DSE: variants seen among roughly 807,000 people sequenced by gnomAD.
DSE encodes dermatan sulfate epimerase, also known as dermatan-sulfate epimerase.
A neutral mutation model predicts 84.4 loss-of-function variants in DSE; 36 were observed. The observed-to-expected ratio is 0.43, with a 90% CI of 0.33 to 0.56. DSE has a LOEUF of 0.56. Ranked by LOEUF, DSE falls within the 20% of genes least tolerant of loss-of-function variation. The pLI is 0.06. For missense variants in DSE, 862 were observed against 1,169.6 expected (o/e 0.74, Z 3.84); for synonymous variants, 410 against 430.1 (o/e 0.95, Z 0.58).
At chr6:116,332,679 C>G (rs1413807420) in intron 2 of DSE, among the ~76,000 whole-genome samples, 1 of 152,012 alleles carries the variant, frequency 6.6e-6, no homozygotes, top group Admixed American at 6.6e-5. Context: ...AAAGTACTTA[C>G]AGTAAAGGAA....
At chr6:116,343,402 G>C (rs1338025180) in intron 2 of DSE, among the ~76,000 whole-genome samples, 1 of 152,176 alleles carries the variant, frequency 6.6e-6, no homozygotes, top group Non-Finnish European at 1.5e-5. Flanking sequence ...CACAGTAGTG[G>C]CTGACTGACA....
At position 116,363,191 on chromosome 6, in the gene DSE, T is replaced by A. The variant is rs180851170; in HGVS notation, c.-53-36007T>A. Among the ~76,000 whole-genome samples, 201 of 152,260 alleles carry A rather than the reference T, an allele frequency of 1.3e-3. 1 individual carries two copies. The highest frequency in any genetic ancestry group is 2.5e-3 in the South Asian group (12 of 4,828). On this transcript the variant is annotated intron_variant, in intron 2 of 3. Transcript: ENST00000430252. ...TATTTCTACTTTGTAACAGTTGCTT[T>A]TTTTTGCCACGTTTAATGACTGATC...
At chr6:116,264,005 T>C (rs1054217124) in intron 2 of DSE, among the ~76,000 whole-genome samples, 8 of 152,228 alleles carry the variant, frequency 5.3e-5, no homozygotes, top group African/African-American at 1.9e-4. Context: ...CAATCTGCCC[T>C]TTCTCTCTAG....
chr6:116,376,499 T>C (rs2114933276), intron 1 of DSE, among the ~76,000 whole-genome samples: 1 of 152,324 alleles, frequency 6.6e-6, no homozygotes, highest in South Asian at 2.1e-4. Context: ...AAGAAAAGAT[T>C]ATTGAGGCGA....
intron 2 of DSE, among the ~76,000 whole-genome samples, chr6:116,365,277 A>T (rs996678657): frequency 6.7e-6 from 1 of 149,950 alleles, no homozygotes; most frequent in African/African-American, 2.5e-5. Flanking sequence ...TGTGGGGGGG[A>T]TGGAGTCTTG....
intron 2 of DSE, among the ~76,000 whole-genome samples, chr6:116,404,302 AT>A (rs1781781043): frequency 6.6e-6 from 1 of 152,268 alleles, no homozygotes; most frequent in African/African-American, 2.4e-5. Context: ...ATTTCACTTA[AT>A]AATATGGGAA....
At chr6:116,370,396 C>A, upstream of DSE, 1 of 958,996 alleles carries the variant, frequency 1.0e-6, no homozygotes, top group Non-Finnish European at 1.2e-6. Flanking sequence ...AAAGTCCCCC[C>A]TCCCACTAAC....
intron 2 of DSE, among the ~76,000 whole-genome samples, chr6:116,295,364 C>T (rs1457813333): frequency 6.6e-6 from 1 of 152,090 alleles, no homozygotes; most frequent in Admixed American, 6.6e-5. Flanking sequence ...GTATTATGTT[C>T]TGCTGTGGTC....
At chr6:116,390,631 CATT>C (rs1235501088) in intron 1 of DSE, among the ~76,000 whole-genome samples, 4 of 152,102 alleles carry the variant, frequency 2.6e-5, no homozygotes, top group Non-Finnish European at 5.9e-5. Flanking sequence ...CTAAAACCAT[CATT>C]AAGAAAATCA....
chr6:116,313,773 T>C (rs1453367086), intron 2 of DSE, among the ~76,000 whole-genome samples: 6 of 152,196 alleles, frequency 3.9e-5, no homozygotes, highest in African/African-American at 9.6e-5. Flanking sequence ...TCGGTTCATA[T>C]AAGAATAAAG....
chr6:116,400,805 A>T (rs1781544283), intron 2 of DSE: 1 of 152,162 alleles, frequency 6.6e-6, no homozygotes, highest in East Asian at 1.9e-4. Context: ...ATCTTATTCT[A>T]TTCTTGACAC....
intron 2 of DSE, among the ~76,000 whole-genome samples, chr6:116,313,771 T>G (rs12189722): frequency 0.24 from 35,950 of 152,128 alleles, 5,452 homozygotes; most frequent in East Asian, 0.64. Context: ...AATCGGTTCA[T>G]ATAAGAATAA....
intron 2 of DSE, among the ~76,000 whole-genome samples, chr6:116,342,931 G>A (rs748856417): frequency 1.3e-5 from 2 of 152,158 alleles, no homozygotes; most frequent in African/African-American, 2.4e-5. Context: ...CTGGAAAATC[G>A]GGACACTTCC....
chr6:116,406,172 T>C (rs1223675748), intron 2 of DSE, among the ~76,000 whole-genome samples: 2 of 152,306 alleles, frequency 1.3e-5, no homozygotes, highest in African/African-American at 4.8e-5. Context: ...CTCGCCTACC[T>C]CCCGCCCTTT....
At position 116,371,021 on chromosome 6, in the gene DSE, G is replaced by T; in HGVS notation, c.-154G>T. 2.0e-6 allele frequency: 2 copies of T among 985,714 alleles called. No individual in the cohort carries two copies. The highest frequency in any genetic ancestry group is 2.4e-6 in the Non-Finnish European group (2 of 830,244). The allele number at this position is 985,714 out of a possible 1,614,324, so 61.1% of individuals were successfully genotyped here. ...GGGGGCGCGGAGGGCTCGGTTCGGA[G>T]GGGGCCGGGAGCCCGGGCGCCCTGG... On this transcript the variant is annotated 5_prime_UTR_variant, in exon 1 of 6. The change creates a new upstream start codon in the 5' untranslated region. Transcript: ENST00000644252.
chr6:116,257,795 G>A (rs767305059), intron 1 of DSE, among the ~76,000 whole-genome samples: 1 of 152,102 alleles, frequency 6.6e-6, no homozygotes, highest in South Asian at 2.1e-4. Context: ...ATAGGGCACC[G>A]ATTGCCCCCC....
intron 2 of DSE, among the ~76,000 whole-genome samples, chr6:116,260,098 T>G (rs1772347440): frequency 6.6e-6 from 1 of 152,220 alleles, no homozygotes; most frequent in Non-Finnish European, 1.5e-5. Flanking sequence ...TAATTTCTAC[T>G]CCCACCAACA....
intron 2 of DSE, among the ~76,000 whole-genome samples, chr6:116,330,061 G>A (rs1161028231): frequency 6.6e-6 from 1 of 152,176 alleles, no homozygotes; most frequent in Non-Finnish European, 1.5e-5. Context: ...CCAACCTCAG[G>A]TGATCCACCT....
rs1049289905 is a variant in DSE at position 116,418,352 on chromosome 6, G to A, written c.417-8222G>A. On this transcript the variant is annotated intron_variant, in intron 2 of 5. Coordinates refer to ENST00000644252, the MANE Select transcript of DSE (RefSeq NM_013352.4). ...AGGAGCCTGGCTAGGGTTTGATCAC[G>A]AAGAGAGTGTTTGTTACTACCTTAA... 4.6e-5 allele frequency among the ~76,000 whole-genome samples: 7 copies of A among 152,304 alleles called. No homozygotes were observed. The South Asian group carries it at 8.3e-4, about 18-fold the overall frequency.
Sources: gnomAD v4.1 joint callset for allele counts (sites outside exome capture counted in the v4.1 genomes callset) on GRCh38, gnomAD v4.1.1 for gene constraint, MANE v1.5 for transcripts, NCBI Gene and HGNC (gene_info 2026-07-23, HGNC 2026-07-21) for gene names.